The following MDK variants were observed in gnomAD, a reference collection of about 807,000 sequenced individuals.
The protein encoded by MDK is amphiregulin-associated protein.
Under a neutral mutation model 18.9 loss-of-function variants are expected in MDK, and 17 were observed. The observed-to-expected ratio is 0.90, with a 90% CI of 0.62 to 1.35. MDK has a LOEUF of 1.35. MDK is among the 40% of genes most tolerant of loss of function. MDK has a pLI of 0.00. For missense variants in MDK, 180 were observed against 186.3 expected (o/e 0.97, Z 0.20); for synonymous variants, 86 against 74.3 (o/e 1.16, Z -0.81).
chr11:46,382,843 T>C (rs750782521), intron 4 of MDK, 95 bp downstream of exon 4: 6 of 1,433,454 alleles, frequency 4.2e-6, no homozygotes, highest in Admixed American at 2.1e-5. Flanking sequence ...ACCTTAAGTT[T>C]TGAGTCCTGG....
intron 1 of MDK, 25 bp downstream of exon 1, chr11:46,381,783 C>A: frequency 6.2e-6 from 2 of 323,742 alleles, no homozygotes; most frequent in Non-Finnish European, 1.1e-5. Flanking sequence ...GCCCCTGGTC[C>A]GCCCGGCCGC....
At chr11:46,382,230 A>C in intron 2 of MDK, 64 bp from the exon 3 acceptor site, 1 of 1,604,346 alleles carries the variant, frequency 6.2e-7, no homozygotes. Flanking sequence ...GAACCCCAGG[A>C]AGGCGGCTCC....
In MDK at chr11:46,383,704, C is replaced by T; in HGVS notation, c.*210C>T. On this transcript the variant is annotated 3_prime_UTR_variant, in exon 5 of 5. Transcript: ENST00000395566. The stretch of plus-strand genomic sequence containing the variant: ...ACAAGGGATTCTGGGAAGCTTGAGC[C>T]TCCCCCAAAGCAATGTGAGTCCCAG... 1.5e-6 allele frequency: 1 copy of T among 685,160 alleles called. No homozygotes were observed. Among genetic ancestry groups the T allele is most frequent in the Non-Finnish European group, 2.7e-6 (1 of 372,968 alleles). 42.4% of individuals were successfully genotyped at this position (685,160 alleles called of 1,614,324 possible).
chr11:46,382,797 C>CA, intron 4 of MDK, 49 bp downstream of exon 4: 1 of 1,496,256 alleles, frequency 6.7e-7, no homozygotes, highest in African/African-American at 1.5e-5. Flanking sequence ...GCTGCCCCCC[C>CA]CCCCCCCCGC....
intron 4 of MDK, chr11:46,383,161 A>G (rs1349478757): frequency 2.4e-6 from 1 of 419,464 alleles, no homozygotes; most frequent in African/African-American, 2.0e-5. Flanking sequence ...CAGCGAGGCC[A>G]GCAGGGCAGG....
rs775138452 is a variant in MDK at position 46,383,795 on chromosome 11, C to T, written c.*301C>T. 1 of 478,530 alleles carries T rather than the reference C, an allele frequency of 2.1e-6. No individual in the cohort carries two copies. Among genetic ancestry groups the T allele is most frequent in the South Asian group, 2.0e-5 (1 of 50,026 alleles). The allele number at this position is 478,530 out of a possible 1,614,324, so 29.6% of individuals were successfully genotyped here. A position where few individuals can be genotyped will look rare whatever the true frequency, so the allele number is the denominator to read the frequency against. ...ACACATCAAATAAACTGACTTTTTC[C>T]CCCCAATAAAAGCTCTTCTTTTTTA... On this transcript the variant is annotated 3_prime_UTR_variant, in exon 5 of 5. Coordinates refer to ENST00000395566, the MANE Select transcript of MDK (RefSeq NM_002391.6).
intron 4 of MDK, chr11:46,383,034 C>T: frequency 2.0e-6 from 1 of 512,600 alleles, no homozygotes; most frequent in Non-Finnish European, 3.5e-6. Flanking sequence ...TGTCCTGGAA[C>T]GGCTTGCCTT....
chr11:46,382,555 C>A, intron 3 of MDK, 32 bp from the exon 4 acceptor site: 1 of 1,581,872 alleles, frequency 6.3e-7, no homozygotes, highest in South Asian at 1.1e-5. Context: ...CCGCGGGCCG[C>A]GCAGCGCTGA....
In MDK at chr11:46,382,104, C is replaced by A. The variant is rs77401219; in HGVS notation, c.47C>A (p.Ala16Glu). The A allele has an allele frequency of 2.5e-6, 4 of 1,611,024 alleles. No homozygotes were observed. Among genetic ancestry groups the A allele is most frequent in the African/African-American group, 2.7e-5 (2 of 74,896 alleles). The change falls in exon 2 of 5, where the codon GCG (alanine) becomes GAG (glutamate). Residue 16 changes from alanine (A) to glutamate (E), a missense_variant. By Grantham distance (107) the Ala-to-Glu change is moderately radical. Coordinates refer to ENST00000395566, the MANE Select transcript of MDK (RefSeq NM_002391.6). ...FLLLTLLALL[A>E]LTSAVAKKKD... ...CTCCTCACCCTCCTCGCCCTGCTGGCGCTCACCTCCGCGGTCGCCAAAAAG... is the reference window on the plus strand; with the variant it reads ...CTCCTCACCCTCCTCGCCCTGCTGGAGCTCACCTCCGCGGTCGCCAAAAAG...
At chr11:46,381,536 G>A (rs1425876125), upstream of MDK, 1 of 149,550 alleles carries the variant, frequency 6.7e-6, no homozygotes, top group Non-Finnish European at 1.5e-5. Context: ...CGGAGTAGAA[G>A]CGCGGGGGGC....
In MDK at chr11:46,382,985, C is replaced by G; in HGVS notation, c.406+237C>G. 4 of 583,326 alleles carry G rather than the reference C, an allele frequency of 6.9e-6. No individual in the cohort carries two copies. In the Middle Eastern group the frequency reaches 1.7e-3, roughly 254 times the overall value. The allele number at this position is 583,326 out of a possible 1,614,324, so 36.1% of individuals were successfully genotyped here. A position where few individuals can be genotyped will look rare whatever the true frequency, so the allele number is the denominator to read the frequency against. On this transcript the variant is annotated intron_variant, in intron 4 of 4. Coordinates refer to ENST00000395566, the MANE Select transcript of MDK (RefSeq NM_002391.6). ...TGGCCCAAATAGGGACCAACTCAAA[C>G]TACTCCATTGGAGCATCTGGCTTAG...
chr11:46,383,404 C>A, intron 4 of MDK, 65 bp from the exon 5 acceptor site: 1 of 1,308,630 alleles, frequency 7.6e-7, no homozygotes. Context: ...TTTGTGGAGC[C>A]GGCGGTCTGC....
chr11:46,382,804 C>G (rs1480560646), intron 4 of MDK, 56 bp downstream of exon 4: 3 of 1,488,832 alleles, frequency 2.0e-6, no homozygotes, highest in South Asian at 1.2e-5. Flanking sequence ...CCCCCCCCCC[C>G]CGCCTGTGAG....
rs1483715510 is a variant in MDK at position 46,382,028 on chromosome 11, A to G, written c.-1-29A>G. On this transcript the variant is annotated intron_variant, in intron 1 of 4. Transcript: ENST00000395566. ...CCCCCGGTGGGGAAGGGGACGGGCCAGGGATTCAGACTCGGGCTCTCCCCT... is the reference window on the plus strand; with the variant it reads ...CCCCCGGTGGGGAAGGGGACGGGCCGGGGATTCAGACTCGGGCTCTCCCCT... The G allele has an allele frequency of 5.1e-6, 8 of 1,582,548 alleles. No homozygotes were observed. In the South Asian group the frequency reaches 9.2e-5, roughly 18 times the overall value.
At chr11:46,382,543 G>A (rs953320775) in intron 3 of MDK, 44 bp from the exon 4 acceptor site, 40 of 1,568,630 alleles carry the variant, frequency 2.5e-5, no homozygotes, top group African/African-American at 6.8e-5. Context: ...CGGAGGGCGG[G>A]GCCGCGGGCC....
intron 1 of MDK, 30 bp downstream of exon 1, chr11:46,381,788 G>C: frequency 3.0e-6 from 1 of 337,564 alleles, no homozygotes; most frequent in Admixed American, 4.9e-5. Flanking sequence ...TGGTCCGCCC[G>C]GCCGCGGCCG....
At chr11:46,381,822 C>CG in intron 1 of MDK, 64 bp downstream of exon 1, 1 of 300,740 alleles carries the variant, frequency 3.3e-6, no homozygotes, top group South Asian at 5.0e-5. Context: ...GGGCTGGAGG[C>CG]GGGGGTGGGG....
chr11:46,382,781 CG>C (rs1342765590), intron 4 of MDK, 33 bp downstream of exon 4: 5 of 470,072 alleles, frequency 1.1e-5, no homozygotes, highest in East Asian at 9.7e-5. Flanking sequence ...GGGGCTGTCG[CG>C]GGGGGCTGCC....
At chr11:46,383,035 G>A (rs1209795041) in intron 4 of MDK, 1 of 511,356 alleles carries the variant, frequency 2.0e-6, no homozygotes, top group Non-Finnish European at 3.5e-6. Flanking sequence ...GTCCTGGAAC[G>A]GCTTGCCTTT....
Sources: allele counts gnomAD v4.1 joint callset, GRCh38; gene constraint gnomAD v4.1.1; transcripts MANE v1.5; gene names NCBI Gene and HGNC (gene_info 2026-07-23, HGNC 2026-07-21).